Variants in NLRP11 observed in about 807,000 individuals in gnomAD.
NLRP11 encodes the protein NACHT, LRR and PYD domains-containing protein 11.
A neutral mutation model predicts 79.3 loss-of-function variants in NLRP11; 53 were observed. The observed-to-expected ratio is 0.67, with a 90% CI of 0.54 to 0.84. NLRP11 has a LOEUF of 0.84. Ranked by LOEUF, NLRP11 falls within the 40% of genes least tolerant of loss-of-function variation. The pLI, the probability that NLRP11 is intolerant of heterozygous loss-of-function variation, is 0.00. For missense variants in NLRP11, 1,264 were observed against 1,255.0 expected, an observed-to-expected ratio of 1.01 and a Z score of -0.11; for synonymous variants, 518 against 462.6, an observed-to-expected ratio of 1.12 and a Z score of -1.54.
intron 9 of NLRP11, 132 bp from the exon 10 acceptor site, chr19:55,786,003 CA>C (rs761856496): frequency 2.2e-6 from 2 of 912,622 alleles, no homozygotes; most frequent in Non-Finnish European, 1.7e-6. Flanking sequence ...TCTGAGGAAA[CA>C]AAAATCTGTT....
At chr19:55,785,865 T>C (rs1356623078) in exon 10 of NLRP11, 14 of 1,612,050 alleles carry the variant, frequency 8.7e-6, no homozygotes, top group Non-Finnish European at 1.1e-5. Context: ...GGCCAGTTAA[T>C]GGAAGCCTGA....
chr19:55,793,512 G>C (rs1004378513), intron 6 of NLRP11, among the ~76,000 whole-genome samples: 1 of 130,310 alleles, frequency 7.7e-6, no homozygotes, highest in Non-Finnish European at 1.5e-5. Context: ...AGGTTGAAGT[G>C]AGCCGAGATT....
intron 5 of NLRP11, among the ~76,000 whole-genome samples, chr19:55,800,672 C>T (rs367873271): frequency 2.0e-4 from 30 of 152,198 alleles, no homozygotes; most frequent in African/African-American, 7.0e-4. Context: ...GTTTAGGACA[C>T]GGGCATGTGA....
intron 2 of NLRP11, 76 bp downstream of exon 2, chr19:55,817,828 A>T: frequency 8.2e-7 from 1 of 1,221,300 alleles, no homozygotes; most frequent in Admixed American, 2.4e-5. Context: ...TAGAAAAAAA[A>T]AAAAAAAAAG....
intron 9 of NLRP11, among the ~76,000 whole-genome samples, chr19:55,788,462 C>T (rs960015979): frequency 6.6e-6 from 1 of 151,436 alleles, no homozygotes; most frequent in African/African-American, 2.4e-5. Context: ...CCATCACAGC[C>T]AGGCGCGGTG....
chr19:55,833,840 C>A (rs1248882581), upstream of NLRP11, among the ~76,000 whole-genome samples: 2 of 144,230 alleles, frequency 1.4e-5, no homozygotes, highest in East Asian at 4.0e-4. Flanking sequence ...AAACATAGAA[C>A]CCAGAAACCA....
chr19:55,797,163 G>C (rs988426553), intron 5 of NLRP11, among the ~76,000 whole-genome samples: 3 of 152,028 alleles, frequency 2.0e-5, no homozygotes, highest in Non-Finnish European at 2.9e-5. Flanking sequence ...TCCAGGAGTG[G>C]TGGTGCACGA....
At chr19:55,797,969 G>A (rs1420643681) in intron 5 of NLRP11, among the ~76,000 whole-genome samples, 1 of 151,902 alleles carries the variant, frequency 6.6e-6, no homozygotes, top group Non-Finnish European at 1.5e-5. Flanking sequence ...GGGCCACCCA[G>A]CGTGAAATGG....
chr19:55,823,046 C>G (rs1198710639), intron 1 of NLRP11, among the ~76,000 whole-genome samples: 1 of 149,094 alleles, frequency 6.7e-6, no homozygotes, highest in East Asian at 2.0e-4. Flanking sequence ...GTGGTTCTCC[C>G]AGCACGCAGC....
chr19:55,785,484 G>T (rs1989804499), exon 10 of NLRP11: 1 of 725,568 alleles, frequency 1.4e-6, no homozygotes, highest in Non-Finnish European at 2.2e-6. Context: ...GTGGTTGACT[G>T]GATCAAGGTC....
Position 55,809,422 on chromosome 19 carries a change from A to G in NLRP11, c.1188T>C (p.Arg396=), listed in dbSNP as rs1482914493. The G allele has an allele frequency of 1.2e-6, 2 of 1,614,158 alleles. No individual in the cohort carries two copies. Among genetic ancestry groups the G allele is most frequent in the African/African-American group, 1.3e-5 (1 of 75,046 alleles). The change falls in exon 3 of 10, where the codon CGT becomes CGC. Residue 396 remains arginine (R), a synonymous_variant. Transcript: ENST00000589093. This position sits in a 1 kb window ranked among gnomAD's most constrained non-coding sequence, Gnocchi z 4.5. ...GTCCTCCTGCAGCCAGCAAACACAG[A>G]CGTTTTAGGAGACCTAGGTGATACT...
chr19:55,785,922 G>A, intron 9 of NLRP11, 51 bp from the exon 10 acceptor site: 1 of 1,566,302 alleles, frequency 6.4e-7, no homozygotes, highest in East Asian at 2.2e-5. Flanking sequence ...TGAGGTCTCA[G>A]CTTTGTTGCA....
intron 7 of NLRP11, among the ~76,000 whole-genome samples, chr19:55,792,053 C>T (rs1427951305): frequency 1.3e-5 from 2 of 152,158 alleles, no homozygotes; most frequent in African/African-American, 2.4e-5. Flanking sequence ...GGGAGGGGTC[C>T]GGCCCAGGCA....
In NLRP11 at chr19:55,809,206, G is replaced by A. The variant is rs780526258; in HGVS notation, c.1404C>T (p.Asn468=). 4 of 1,613,758 alleles carry A rather than the reference G, an allele frequency of 2.5e-6. No individual in the cohort carries two copies. Among genetic ancestry groups the A allele is most frequent in the Admixed American group, 1.7e-5 (1 of 60,012 alleles). The change falls in exon 3 of 10, where the codon AAC becomes AAT. Residue 468 remains asparagine, a synonymous_variant. Coordinates refer to ENST00000589093, the Ensembl canonical transcript of NLRP11. This position sits in a 1 kb window ranked among gnomAD's most constrained non-coding sequence, Gnocchi z 4.5. ...CTCTGCTGCCTGAGGGGATCAGATA[G>A]TTGGGTACTGCCATCAGAAATGCAA... is the stretch of plus-strand genomic sequence containing the variant.
chr19:55,792,156 T>C, intron 7 of NLRP11, 145 bp downstream of exon 7: 1 of 670,472 alleles, frequency 1.5e-6, no homozygotes, highest in Middle Eastern at 2.6e-4. Flanking sequence ...CGTGCTTTCA[T>C]GTCGCCTATT....
chr19:55,810,021 T>C, exon 3 of NLRP11: 1 of 1,614,230 alleles, frequency 6.2e-7, no homozygotes, highest in Non-Finnish European at 8.5e-7. Flanking sequence ...GCCAAGCTGC[T>C]GTTGGTCATC....
chr19:55,811,532 C>A (rs139721470), intron 2 of NLRP11, among the ~76,000 whole-genome samples: 9 of 152,124 alleles, frequency 5.9e-5, no homozygotes, highest in Non-Finnish European at 8.8e-5. Context: ...CTGGCTCCCC[C>A]CCAGTGGAGA....
At chr19:55,789,008 C>A in intron 8 of NLRP11, 31 bp from the exon 9 acceptor site, 2 of 1,611,032 alleles carry the variant, frequency 1.2e-6, no homozygotes, top group Non-Finnish European at 1.7e-6. Context: ...TAAGGTGGGG[C>A]CAAATCCTTG....
intron 1 of NLRP11, among the ~76,000 whole-genome samples, chr19:55,827,834 C>T (rs1354518318): frequency 6.6e-6 from 1 of 150,618 alleles, no homozygotes; most frequent in Non-Finnish European, 1.5e-5. Context: ...TAAAGTAGTT[C>T]ATCCATTGTG....
Sources: gnomAD v4.1 joint callset for allele counts (sites outside exome capture counted in the v4.1 genomes callset) on GRCh38, gnomAD v4.1.1 for gene constraint, Gnocchi (gnomAD v3.1) non-coding constraint, MANE v1.5 for transcripts, NCBI Gene and HGNC (gene_info 2026-07-23, HGNC 2026-07-21) for gene names.